ARL8B: variants seen among roughly 807,000 people sequenced by gnomAD.
ARL8B encodes ARF like GTPase 8B.
In ARL8B, 9 loss-of-function variants were observed where a neutral mutation model predicts 30.6. That is an observed-to-expected ratio of 0.29 (90% confidence interval 0.18 to 0.51). The LOEUF (loss-of-function observed/expected upper bound fraction) is 0.51, where lower values mean the gene tolerates loss of function less well. Among genes scored for constraint, ARL8B ranks in the 20% least tolerant of loss-of-function variants. The pLI, the probability that ARL8B is intolerant of heterozygous loss-of-function variation, is 0.97. For missense variants in ARL8B, 130 were observed against 227.2 expected (o/e 0.57, Z 2.75); for synonymous variants, 74 against 76.0 (o/e 0.97, Z 0.14).
At chr3:5,128,049 G>A (rs777039314) in intron 1 of ARL8B, among the ~76,000 whole-genome samples, 15 of 149,998 alleles carry the variant, frequency 1.0e-4, no homozygotes, top group Non-Finnish European at 1.6e-4. Context: ...TTAGCCTGGC[G>A]TTACTCAGGA....
intron 1 of ARL8B, among the ~76,000 whole-genome samples, chr3:5,140,278 G>A (rs1559277938): frequency 6.6e-6 from 1 of 152,040 alleles, no homozygotes; most frequent in Non-Finnish European, 1.5e-5. Context: ...ACTGAATCAT[G>A]GGGACGATTT....
chr3:5,130,295 G>C (rs148307422), intron 1 of ARL8B, among the ~76,000 whole-genome samples: 1 of 152,040 alleles, frequency 6.6e-6, no homozygotes, highest in Non-Finnish European at 1.5e-5. Context: ...AAAGTGCTGA[G>C]ATTACAGGCA....
intron 6 of ARL8B, 72 bp downstream of exon 6, chr3:5,174,486 T>C (rs1337585527): frequency 9.9e-7 from 1 of 1,011,900 alleles, no homozygotes; most frequent in Non-Finnish European, 1.5e-6. Flanking sequence ...TTACAGCTTA[T>C]TGTCTCGATT....
chr3:5,127,871 T>G (rs1257055142), intron 1 of ARL8B, among the ~76,000 whole-genome samples: 1 of 18,172 alleles, frequency 5.5e-5, no homozygotes, highest in African/African-American at 2.2e-4. Flanking sequence ...AGACTCCGTC[T>G]CAAAAAAAAA....
At chr3:5,153,823 G>C (rs1258151363) in intron 1 of ARL8B, among the ~76,000 whole-genome samples, 1 of 152,012 alleles carries the variant, frequency 6.6e-6, no homozygotes, top group African/African-American at 2.4e-5. Context: ...ACGTCTGCTG[G>C]CTACAGATTT....
At chr3:5,147,823 T>G (rs1274595510) in intron 1 of ARL8B, among the ~76,000 whole-genome samples, 7 of 151,514 alleles carry the variant, frequency 4.6e-5, no homozygotes, top group Admixed American at 1.3e-4. Flanking sequence ...GTCCTCCGGA[T>G]CTAATTTTCT....
At chr3:5,131,493 C>G (rs549758364) in intron 1 of ARL8B, among the ~76,000 whole-genome samples, 18 of 151,000 alleles carry the variant, frequency 1.2e-4, no homozygotes, top group Admixed American at 1.1e-3. Flanking sequence ...CGAGTTCAAG[C>G]GATTCTCCTG....
chr3:5,123,045 G>A (rs1208596289), intron 1 of ARL8B, among the ~76,000 whole-genome samples: 1 of 152,130 alleles, frequency 6.6e-6, no homozygotes, highest in East Asian at 1.9e-4. Flanking sequence ...TTGCCACTTT[G>A]GACCAATAGA....
chr3:5,152,686 A>G (rs1277657192), intron 1 of ARL8B, among the ~76,000 whole-genome samples: 4 of 152,190 alleles, frequency 2.6e-5, no homozygotes, highest in Non-Finnish European at 4.4e-5. Flanking sequence ...GAGTCTTGCT[A>G]GGTTGCTCAG....
Position 5,174,509 on chromosome 3 carries a change from A to T in ARL8B, c.511+95A>T. ...TATTGTCTCGATTTCTCATTAAGTG[A>T]CTTCCTTTTCAGAATACTGTTGCTT... On this transcript the variant is annotated intron_variant, in intron 6 of 6. Coordinates refer to ENST00000256496, the MANE Select transcript of ARL8B (RefSeq NM_018184.3). The T allele has an allele frequency of 3.5e-6, 3 of 849,136 alleles. No homozygotes were observed. In the Admixed American group the frequency reaches 6.1e-5, roughly 17 times the overall value. The allele number at this position is 849,136 out of a possible 1,614,324, so 52.6% of individuals were successfully genotyped here.
At chr3:5,165,751 A>G (rs2054618560) in intron 1 of ARL8B, among the ~76,000 whole-genome samples, 1 of 152,186 alleles carries the variant, frequency 6.6e-6, no homozygotes, top group Non-Finnish European at 1.5e-5. Flanking sequence ...GACCGCTGCT[A>G]TAGATGGACA....
chr3:5,130,194 A>ATT (rs5846362), intron 1 of ARL8B, among the ~76,000 whole-genome samples: 8,406 of 147,590 alleles, frequency 0.057, 340 homozygotes, highest in East Asian at 0.15. Context: ...AAAAATATAT[A>ATT]TTTTTTTTTT....
chr3:5,137,739 T>C (rs974209731), intron 1 of ARL8B, among the ~76,000 whole-genome samples: 5 of 152,018 alleles, frequency 3.3e-5, no homozygotes, highest in Non-Finnish European at 7.4e-5. Context: ...TGCCCAGCCC[T>C]TTTTTTAATT....
intron 1 of ARL8B, among the ~76,000 whole-genome samples, chr3:5,135,282 G>C (rs548556611): frequency 6.8e-6 from 1 of 146,046 alleles, no homozygotes; most frequent in East Asian, 2.0e-4. Context: ...AAACACATCT[G>C]ATCTTTTTAT....
In ARL8B at chr3:5,122,295, T is replaced by C. The variant is rs1210222176; in HGVS notation, c.-171T>C. ...GGCGTGGGGGGTAGGGCGAGTCATA[T>C]GATCCGCTCGGCTTCCTGGGTCTGG... is the stretch of plus-strand genomic sequence containing the variant. On this transcript the variant is annotated 5_prime_UTR_variant, in exon 1 of 7. An upstream start codon of the reference 5' UTR is lost. Coordinates refer to ENST00000256496, the MANE Select transcript of ARL8B (RefSeq NM_018184.3). 2.7e-6 allele frequency: 4 copies of C among 1,500,082 alleles called. No individual in the cohort carries two copies. Among genetic ancestry groups the C allele is most frequent in the South Asian group, 1.2e-5 (1 of 80,700 alleles). The allele number at this position is 1,500,082 out of a possible 1,614,324, so 92.9% of individuals were successfully genotyped here. A position where few individuals can be genotyped will look rare whatever the true frequency, so the allele number is the denominator to read the frequency against.
intron 1 of ARL8B, among the ~76,000 whole-genome samples, chr3:5,168,468 C>T (rs533967509): frequency 2.0e-5 from 3 of 152,278 alleles, no homozygotes; most frequent in Admixed American, 6.5e-5. Flanking sequence ...AGCTAATTTT[C>T]GGTTTTTGCA....
intron 1 of ARL8B, among the ~76,000 whole-genome samples, chr3:5,137,130 G>T (rs948687946): frequency 3.3e-5 from 5 of 152,070 alleles, no homozygotes; most frequent in Admixed American, 3.3e-4. Context: ...AGAATTCTGT[G>T]ACCTCCTCAA....
chr3:5,178,184 C>T (rs1352773438), intron 6 of ARL8B, among the ~76,000 whole-genome samples: 3 of 152,152 alleles, frequency 2.0e-5, no homozygotes, highest in Admixed American at 1.3e-4. Context: ...TTGTATCACT[C>T]ACAATCCATC....
rs369981555 is a variant in ARL8B at position 5,167,108 on chromosome 3, ATCT to A, written c.124-3390_124-3388del. ...ATAAGATTCCCTGACTTTGAGAATA[ATCT>A]TCTTTTCACCATCTTATTTTGCTTC... On this transcript the variant is annotated intron_variant, in intron 1 of 6. Transcript: ENST00000256496. Among the ~76,000 whole-genome samples the A allele has an allele frequency of 2.6e-3, 397 of 152,286 alleles. 4 individuals carry two copies. The highest frequency in any genetic ancestry group is 9.2e-3 in the African/African-American group (382 of 41,554).
Sources: allele counts gnomAD v4.1 joint callset (sites outside exome capture counted in the v4.1 genomes callset), GRCh38; gene constraint gnomAD v4.1.1; transcripts MANE v1.5; gene names NCBI Gene and HGNC (gene_info 2026-07-23, HGNC 2026-07-21).